Variants in PLCL1 observed in about 807,000 individuals in gnomAD.
PLCL1 encodes the protein inactive phospholipase C-like protein 1.
PLCL1 carries 41 observed loss-of-function variants against 84.4 expected under a neutral mutation model. That is an observed-to-expected ratio of 0.49 (90% CI 0.38 to 0.63). PLCL1 has a LOEUF of 0.63. PLCL1 is among the 30% of genes least tolerant of loss of function. The pLI, the probability that PLCL1 is intolerant of heterozygous loss-of-function variation, is 0.00. For missense variants in PLCL1, 1,206 were observed against 1,367.8 expected, an observed-to-expected ratio of 0.88 and a Z score of 1.87; for synonymous variants, 490 against 488.3, an observed-to-expected ratio of 1.00 and a Z score of -0.05.
At chr2:197,878,335 G>A (rs948356829) in intron 1 of PLCL1, among the ~76,000 whole-genome samples, 3 of 152,068 alleles carry the variant, frequency 2.0e-5, no homozygotes, top group African/African-American at 7.2e-5. Flanking sequence ...CAAAGCAAGG[G>A]TGGCCTGGTA....
chr2:198,080,541 C>A lies in PLCL1; in HGVS notation c.241-3217C>A, dbSNP rs191850950. On this transcript the variant is annotated intron_variant, in intron 1 of 5. Transcript: ENST00000428675. ...CCATTTCCATCTCCCCTCCTCCCAA[C>A]CTGTCAGAGCCAATAGCATGGCTAC... 4.4e-3 allele frequency among the ~76,000 whole-genome samples: 674 copies of A among 152,294 alleles called. 5 individuals carry two copies. The highest frequency in any genetic ancestry group is 0.015 in the African/African-American group (644 of 41,554).
intron 1 of PLCL1, among the ~76,000 whole-genome samples, chr2:197,873,229 A>G (rs555850812): frequency 6.6e-6 from 1 of 151,748 alleles, no homozygotes; most frequent in South Asian, 2.1e-4. Flanking sequence ...TCACAAACAC[A>G]TGTTCCTTTA....
intron 1 of PLCL1, among the ~76,000 whole-genome samples, chr2:197,998,635 G>A (rs1690525932): frequency 6.6e-6 from 1 of 152,116 alleles, no homozygotes; most frequent in Admixed American, 6.6e-5. Flanking sequence ...TTTTCACTTG[G>A]TTTAAGTCTG....
rs1691352033 is a variant in PLCL1, at chr2:198,029,381, C to G, written c.241-54377C>G. Reference sequence around the variant, plus strand: ...ACATACATTTTCTACTAGAGAGTATCTATTCTTAAAGCTCACTTGTGAGAC... The same window carrying G: ...ACATACATTTTCTACTAGAGAGTATGTATTCTTAAAGCTCACTTGTGAGAC... On this transcript the variant is annotated intron_variant, in intron 1 of 5. Transcript: ENST00000428675. 5.9e-5 allele frequency among the ~76,000 whole-genome samples: 9 copies of G among 152,200 alleles called. No individual in the cohort carries two copies. The South Asian group carries it at 1.9e-3, about 32-fold the overall frequency.
At chr2:197,815,663 T>TTCATG (rs1238913326) in intron 1 of PLCL1, among the ~76,000 whole-genome samples, 4 of 152,122 alleles carry the variant, frequency 2.6e-5, no homozygotes. Flanking sequence ...ATTAAGAACA[T>TTCATG]TCATGATTCA....
At chr2:197,828,359 T>C (rs556542661) in intron 1 of PLCL1, among the ~76,000 whole-genome samples, 1 of 152,118 alleles carries the variant, frequency 6.6e-6, no homozygotes, top group African/African-American at 2.4e-5. Flanking sequence ...AAACTTGTTT[T>C]ACTAACAGTA....
At chr2:198,106,505 G>T (rs1693478179) in intron 5 of PLCL1, among the ~76,000 whole-genome samples, 1 of 151,830 alleles carries the variant, frequency 6.6e-6, no homozygotes, top group Non-Finnish European at 1.5e-5. Flanking sequence ...GTGTTAAAGA[G>T]GTGCTTATTA....
At chr2:198,055,329 C>CTCTCTCTCTCTCTCTCTG (rs374518934) in intron 1 of PLCL1, among the ~76,000 whole-genome samples, 19 of 112,344 alleles carry the variant, frequency 1.7e-4, no homozygotes, top group African/African-American at 6.0e-4. Context: ...CTCTCTCTCT[C>CTCTCTCTCTCTCTCTCTG]TGTGTGTGTG....
intron 1 of PLCL1, among the ~76,000 whole-genome samples, chr2:197,886,144 G>A (rs73054898): frequency 0.19 from 29,243 of 151,948 alleles, 2,879 homozygotes; most frequent in East Asian, 0.27. Context: ...GGGAGCAGTG[G>A]CTCACGCCTG....
At chr2:198,016,250 C>T (rs1419331907) in intron 1 of PLCL1, among the ~76,000 whole-genome samples, 1 of 151,824 alleles carries the variant, frequency 6.6e-6, no homozygotes, top group African/African-American at 2.4e-5. Flanking sequence ...AATAGGAGAG[C>T]AGGTTGGAAG....
chr2:197,959,688 C>A (rs1484822994), intron 1 of PLCL1, among the ~76,000 whole-genome samples: 1 of 151,464 alleles, frequency 6.6e-6, no homozygotes, highest in East Asian at 2.0e-4. Flanking sequence ...GTTTGAATTA[C>A]CAGAAGTTGC....
intron 5 of PLCL1, among the ~76,000 whole-genome samples, chr2:198,104,344 A>G (rs903670842): frequency 8.6e-5 from 13 of 152,002 alleles, no homozygotes; most frequent in African/African-American, 2.4e-4. Flanking sequence ...CTCCAGCTCC[A>G]TCCATGTTGC....
chr2:197,935,685 A>G (rs771566178), intron 1 of PLCL1, among the ~76,000 whole-genome samples: 6 of 152,256 alleles, frequency 3.9e-5, no homozygotes, highest in Non-Finnish European at 7.4e-5. Flanking sequence ...CGGGGTGACA[A>G]AATAATCTGT....
intron 1 of PLCL1, among the ~76,000 whole-genome samples, chr2:197,903,070 G>A (rs910481846): frequency 6.6e-6 from 1 of 152,194 alleles, no homozygotes; most frequent in African/African-American, 2.4e-5. Flanking sequence ...GCCAACAGGT[G>A]TTAGCGTGTT....
intron 1 of PLCL1, among the ~76,000 whole-genome samples, chr2:197,833,304 A>G (rs1248229884): frequency 6.6e-6 from 1 of 152,216 alleles, no homozygotes; most frequent in South Asian, 2.1e-4. Flanking sequence ...CACCACTCCT[A>G]TTCAACATAG....
chr2:198,119,505 C>T (rs1216756902), intron 5 of PLCL1, among the ~76,000 whole-genome samples: 1 of 151,868 alleles, frequency 6.6e-6, no homozygotes, highest in African/African-American at 2.4e-5. Flanking sequence ...TCCATGCCTT[C>T]GCACTGCTGT....
At chr2:197,983,374 C>T (rs1032591337) in intron 1 of PLCL1, among the ~76,000 whole-genome samples, 21 of 151,232 alleles carry the variant, frequency 1.4e-4, no homozygotes, top group Non-Finnish European at 2.4e-4. Context: ...GGACCACAGG[C>T]GTGTACCACC....
At chr2:198,040,516 G>A (rs540324962) in intron 1 of PLCL1, among the ~76,000 whole-genome samples, 200 of 152,276 alleles carry the variant, frequency 1.3e-3, no homozygotes, top group Non-Finnish European at 2.1e-3. Context: ...GTCAGCAATG[G>A]TGCAGTGGGT....
At chr2:197,992,769 C>T (rs1690371187) in intron 1 of PLCL1, among the ~76,000 whole-genome samples, 1 of 152,144 alleles carries the variant, frequency 6.6e-6, no homozygotes, top group Non-Finnish European at 1.5e-5. Context: ...AATCTGACTA[C>T]TCTGTAACCT....
Sources: gnomAD v4.1 joint callset for allele counts (sites outside exome capture counted in the v4.1 genomes callset) on GRCh38, gnomAD v4.1.1 for gene constraint, MANE v1.5 for transcripts, NCBI Gene and HGNC (gene_info 2026-07-23, HGNC 2026-07-21) for gene names.